CCR3: variants seen among roughly 807,000 people sequenced by gnomAD.
CCR3 encodes the protein C-C chemokine receptor type 3.
For missense variants in CCR3, 419 were observed against 437.5 expected (o/e 0.96, Z 0.38); for synonymous variants, 203 against 179.2 (o/e 1.13, Z -1.06).
At chr3:46,218,209 A>G (rs1183339684) in intron 2 of CCR3, among the ~76,000 whole-genome samples, 2 of 152,164 alleles carry the variant, frequency 1.3e-5, no homozygotes, top group East Asian at 1.9e-4. Context: ...CACAAACTAG[A>G]AAACCTAGAG....
chr3:46,221,753 C>G (rs34289272), intron 2 of CCR3, among the ~76,000 whole-genome samples: 1 of 152,136 alleles, frequency 6.6e-6, no homozygotes, highest in South Asian at 2.1e-4. Flanking sequence ...GGCAGGTTTC[C>G]GGTTGTTGAA....
chr3:46,244,204 T>C (rs901308670), intron 1 of CCR3, among the ~76,000 whole-genome samples: 1 of 152,228 alleles, frequency 6.6e-6, no homozygotes, highest in Non-Finnish European at 1.5e-5. Flanking sequence ...TGTGAATAAC[T>C]TAATCACACA....
chr3:46,245,608 C>T (rs974472896), intron 1 of CCR3, among the ~76,000 whole-genome samples: 19 of 151,910 alleles, frequency 1.3e-4, no homozygotes, highest in Non-Finnish European at 1.9e-4. Flanking sequence ...AGCTTTGTTA[C>T]GTAGGTAAAC....
At chr3:46,235,696 A>G (rs1700016922) in intron 2 of CCR3, among the ~76,000 whole-genome samples, 1 of 152,222 alleles carries the variant, frequency 6.6e-6, no homozygotes, top group Non-Finnish European at 1.5e-5. Flanking sequence ...TGAACAAAAC[A>G]CTGCATTCAA....
At chr3:46,213,243 C>T (rs1699738282) in intron 2 of CCR3, among the ~76,000 whole-genome samples, 1 of 152,232 alleles carries the variant, frequency 6.6e-6, no homozygotes, top group Admixed American at 6.5e-5. Flanking sequence ...CTCACTCCCA[C>T]ATCTAGGGTT....
chr3:46,240,318 C>T (rs533439290), upstream of CCR3, among the ~76,000 whole-genome samples: 2 of 152,330 alleles, frequency 1.3e-5, no homozygotes, highest in South Asian at 4.1e-4. Context: ...ATTAATCTCC[C>T]TGGCTCTTGG....
In CCR3 at chr3:46,265,593, G is replaced by T. The variant is rs1252411344; in HGVS notation, c.435G>T (p.Arg145=). 2 of 1,614,128 alleles carry T rather than the reference G, an allele frequency of 1.2e-6. No individual in the cohort carries two copies. The highest frequency in any genetic ancestry group is 2.2e-5 in the East Asian group (1 of 44,872). Residue 145 remains arginine (R), a synonymous_variant, in exon 2 of 2, where the codon CGG becomes CGT. Transcript: ENST00000395940. ...IVHAVFALRA[R]TVTFGVITSI... is the part of the protein sequence containing the mutation. ...ATGCTGTGTTTGCCCTTCGAGCCCG[G>T]ACTGTCACTTTTGGTGTCATCACCA...
intron 1 of CCR3, among the ~76,000 whole-genome samples, chr3:46,255,633 C>T (rs1826341): frequency 0.43 from 65,368 of 151,956 alleles, 15,098 homozygotes; most frequent in East Asian, 0.64. Flanking sequence ...ATTATCCCAG[C>T]ACCATTTGTT....
chr3:46,264,305 C>A, intron 1 of CCR3: 1 of 912,932 alleles, frequency 1.1e-6, no homozygotes, highest in Non-Finnish European at 1.7e-6. Flanking sequence ...TAAACTAATG[C>A]TGCTTATAAT....
At position 46,266,298 on chromosome 3, in the gene CCR3, C is replaced by A; in HGVS notation, c.*72C>A. On this transcript the variant is annotated 3_prime_UTR_variant, in exon 2 of 2. Coordinates refer to ENST00000395940, the MANE Select transcript of CCR3 (RefSeq NM_178329.3). ...GCAAACACATTAAGCCTTCCACACT[C>A]ACCTCTAAAACAGTCCTTCAAACTT... 1.1e-6 allele frequency: 1 copy of A among 939,782 alleles called. No individual in the cohort carries two copies. The highest frequency in any genetic ancestry group is 1.6e-6 in the Non-Finnish European group (1 of 610,544). 58.2% of individuals were successfully genotyped at this position (939,782 alleles called of 1,614,324 possible).
At chr3:46,260,188 TG>T (rs1700497599) in intron 1 of CCR3, among the ~76,000 whole-genome samples, 1 of 152,152 alleles carries the variant, frequency 6.6e-6, no homozygotes, top group African/African-American at 2.4e-5. Flanking sequence ...CCACGACACA[TG>T]GGGATTGTGG....
At position 46,265,148 on chromosome 3, in the gene CCR3, G is replaced by C. The variant is rs780722835; in HGVS notation, c.-11G>C. 6.4e-7 allele frequency: 1 copy of C among 1,573,242 alleles called. No individual in the cohort carries two copies. The highest frequency in any genetic ancestry group is 8.7e-7 in the Non-Finnish European group (1 of 1,148,586). ...TTGTATTTTTCTTCTTCTATCACAG[G>C]GAGAAGTGAAATGACAACCTCACTA... On this transcript the variant is annotated splice_region_variant and 5_prime_UTR_variant, in exon 2 of 2. Transcript: ENST00000395940.
At chr3:46,220,934 C>T (rs993611594) in intron 2 of CCR3, among the ~76,000 whole-genome samples, 12 of 152,200 alleles carry the variant, frequency 7.9e-5, no homozygotes, top group African/African-American at 2.9e-4. Flanking sequence ...GTACCAAAAT[C>T]TCAGAAATCA....
intron 2 of CCR3, among the ~76,000 whole-genome samples, chr3:46,237,250 A>G (rs1370323751): frequency 6.6e-6 from 1 of 152,092 alleles, no homozygotes; most frequent in Non-Finnish European, 1.5e-5. Context: ...GGATTGCTGG[A>G]TTGTACCTTA....
intron 2 of CCR3, among the ~76,000 whole-genome samples, chr3:46,234,783 T>C (rs1049710258): frequency 6.6e-6 from 1 of 152,250 alleles, no homozygotes; most frequent in Non-Finnish European, 1.5e-5. Flanking sequence ...TTCTTTATTA[T>C]GGCTTTCCTT....
intron 2 of CCR3, among the ~76,000 whole-genome samples, chr3:46,226,985 C>A (rs926732078): frequency 6.6e-6 from 1 of 152,142 alleles, no homozygotes; most frequent in African/African-American, 2.4e-5. Context: ...GATTCTCATG[C>A]CTCAGCCTCC....
intron 1 of CCR3, among the ~76,000 whole-genome samples, chr3:46,261,092 CA>C (rs1291115111): frequency 2.6e-5 from 4 of 152,160 alleles, no homozygotes; most frequent in African/African-American, 7.2e-5. Context: ...ACCTTCAAAA[CA>C]GATCAAAATC....
chr3:46,262,558 C>T (rs542933259), intron 1 of CCR3, among the ~76,000 whole-genome samples: 92 of 152,234 alleles, frequency 6.0e-4, no homozygotes, highest in African/African-American at 2.1e-3. Context: ...TAATTCAAAC[C>T]TCTTCACTAT....
intron 2 of CCR3, among the ~76,000 whole-genome samples, chr3:46,234,054 G>A (rs764497494): frequency 6.6e-6 from 1 of 152,240 alleles, no homozygotes; most frequent in Non-Finnish European, 1.5e-5. Context: ...GTATGCCCTT[G>A]TAGTGCCTGT....
Sources: allele counts gnomAD v4.1 joint callset (sites outside exome capture counted in the v4.1 genomes callset), GRCh38; gene constraint gnomAD v4.1.1; transcripts MANE v1.5; gene names NCBI Gene and HGNC (gene_info 2026-07-23, HGNC 2026-07-21).